Variants in CACNB4 observed in about 807,000 individuals in gnomAD.
The protein encoded by CACNB4 is voltage-dependent L-type calcium channel subunit beta-4.
In CACNB4, 32 loss-of-function variants were observed where a neutral mutation model predicts 71.2. The observed-to-expected ratio is 0.45, with a 90% CI of 0.34 to 0.60. CACNB4 has a LOEUF of 0.60. CACNB4 is among the 20% of genes least tolerant of loss of function. The pLI, the probability that CACNB4 is intolerant of heterozygous loss-of-function variation, is 0.01. For synonymous variants in CACNB4, 231 were observed against 236.9 expected (o/e 0.97, Z 0.23); for missense variants, 464 against 647.9 (o/e 0.72, Z 3.08).
At chr2:152,040,643 T>C (rs908203973) in intron 2 of CACNB4, among the ~76,000 whole-genome samples, 3 of 152,196 alleles carry the variant, frequency 2.0e-5, no homozygotes, top group Admixed American at 6.5e-5. Flanking sequence ...GGTTTCACCA[T>C]GTTGACCAGG....
intron 2 of CACNB4, among the ~76,000 whole-genome samples, chr2:152,043,653 G>A (rs1684989466): frequency 6.6e-6 from 1 of 151,882 alleles, no homozygotes; most frequent in Non-Finnish European, 1.5e-5. Context: ...AAAGTGAGAG[G>A]GACTATGTGC....
chr2:151,986,829 T>C (rs1243881059), intron 2 of CACNB4, among the ~76,000 whole-genome samples: 2 of 152,208 alleles, frequency 1.3e-5, no homozygotes. Context: ...ACCTCCAGAC[T>C]AATCTCTTAC....
intron 2 of CACNB4, chr2:151,969,823 T>C (rs1027896308): frequency 2.7e-4 from 41 of 152,250 alleles, no homozygotes; most frequent in African/African-American, 9.9e-4. Context: ...ATTAAGTTTG[T>C]AAAATTTACT....
intron 2 of CACNB4, among the ~76,000 whole-genome samples, chr2:151,949,845 C>T (rs2099866487): frequency 6.6e-6 from 1 of 151,936 alleles, no homozygotes. Flanking sequence ...GTCAGGAGTT[C>T]GAGACCAACA....
At chr2:151,900,321 T>C (rs2099853054) in intron 2 of CACNB4, among the ~76,000 whole-genome samples, 1 of 152,184 alleles carries the variant, frequency 6.6e-6, no homozygotes, top group African/African-American at 2.4e-5. Context: ...ACTTTGGAGT[T>C]GCAAAAAGGC....
chr2:151,835,538 C>T lies in CACNB4; in HGVS notation c.*3581G>A, dbSNP rs1253836504. ...TGGTATTACATTTTTTAAGCAAATA[C>T]CAAAATAAAACTGTGTAACTAAGAA... On this transcript the variant is annotated 3_prime_UTR_variant, in exon 14 of 14. Coordinates refer to ENST00000539935, the MANE Select transcript of CACNB4 (RefSeq NM_000726.5). The T allele has an allele frequency of 1.3e-5, 2 of 151,722 alleles. No individual in the cohort carries two copies. Among genetic ancestry groups the T allele is most frequent in the South Asian group, 2.1e-4 (1 of 4,822 alleles). The allele number at this position is 151,722 out of a possible 1,614,324, so 9.4% of individuals were successfully genotyped here.
chr2:151,860,968 G>C (rs2099841491), intron 9 of CACNB4, 148 bp from the exon 10 acceptor site: 2 of 610,416 alleles, frequency 3.3e-6, no homozygotes, highest in Admixed American at 2.8e-5. Context: ...TTTTAAACAG[G>C]CTCTGGCTAG....
At chr2:152,046,168 T>C (rs1025409323) in intron 2 of CACNB4, among the ~76,000 whole-genome samples, 1 of 152,212 alleles carries the variant, frequency 6.6e-6, no homozygotes, top group Non-Finnish European at 1.5e-5. Flanking sequence ...GAAACTCTGA[T>C]TATATAACAG....
chr2:152,052,356 A>G (rs1685482964), intron 2 of CACNB4, among the ~76,000 whole-genome samples: 1 of 152,166 alleles, frequency 6.6e-6, no homozygotes, highest in Non-Finnish European at 1.5e-5. Context: ...GCTGGAGTAC[A>G]GTGGCGTGAT....
intron 2 of CACNB4, among the ~76,000 whole-genome samples, chr2:151,899,629 G>A (rs2099852889): frequency 6.6e-6 from 1 of 152,132 alleles, no homozygotes; most frequent in Non-Finnish European, 1.5e-5. Context: ...ACCCCTTCAG[G>A]TGGTCGTATG....
intron 2 of CACNB4, among the ~76,000 whole-genome samples, chr2:151,975,319 G>A (rs2099873599): frequency 6.6e-6 from 1 of 152,126 alleles, no homozygotes; most frequent in Non-Finnish European, 1.5e-5. Flanking sequence ...TAACACAACA[G>A]CTACAACAGC....
chr2:151,909,582 C>T (rs555059313), intron 2 of CACNB4, among the ~76,000 whole-genome samples: 51 of 152,138 alleles, frequency 3.4e-4, no homozygotes, highest in Non-Finnish European at 6.6e-4. Flanking sequence ...TCCCCAACCC[C>T]CAGCAGGCCC....
At chr2:151,847,801 G>A (rs1408197148) in intron 12 of CACNB4, among the ~76,000 whole-genome samples, 1 of 152,114 alleles carries the variant, frequency 6.6e-6, no homozygotes, top group Non-Finnish European at 1.5e-5. Context: ...CAGGAGAATC[G>A]CTTGAACCCA....
rs764332480 is a variant in CACNB4 at position 151,883,362 on chromosome 2, C to T, written c.156G>A (p.Ala52=). The T allele has an allele frequency of 2.7e-5, 44 of 1,613,748 alleles. No individual in the cohort carries two copies. In the East Asian group the frequency reaches 3.8e-4, roughly 14 times the overall value. Residue 52 remains alanine, a synonymous_variant, in exon 3 of 14, where the codon GCG becomes GCA. Coordinates refer to ENST00000539935, the MANE Select transcript of CACNB4 (RefSeq NM_000726.5). ...CAGACGGCCTGCTTGTGTAGGAATC[C>T]GCTGAACCCTGGCAAAGAAAATAGA... ...STSFILRQGS[A]DSYTSRPSDS... is the part of the protein sequence containing the mutation.
intron 2 of CACNB4, among the ~76,000 whole-genome samples, chr2:152,017,973 C>T (rs1045183987): frequency 6.6e-6 from 1 of 151,824 alleles, no homozygotes; most frequent in African/African-American, 2.4e-5. Flanking sequence ...GCCGGGATTA[C>T]AGGTGCTCAC....
intron 2 of CACNB4, among the ~76,000 whole-genome samples, chr2:152,009,588 C>A (rs548811860): frequency 2.0e-5 from 3 of 152,266 alleles, no homozygotes; most frequent in African/African-American, 7.2e-5. Flanking sequence ...CTCTGAAACA[C>A]AAAGTTTATT....
At chr2:152,040,081 T>C (rs902548078) in intron 2 of CACNB4, among the ~76,000 whole-genome samples, 9 of 152,200 alleles carry the variant, frequency 5.9e-5, no homozygotes, top group African/African-American at 1.4e-4. Context: ...CCAGTTTTCA[T>C]TGCGGCTAAA....
At chr2:151,986,549 A>T (rs2151756831) in intron 2 of CACNB4, among the ~76,000 whole-genome samples, 1 of 152,354 alleles carries the variant, frequency 6.6e-6, no homozygotes, top group South Asian at 2.1e-4. Flanking sequence ...TACTAGAATC[A>T]TCTATAGCTA....
At position 151,836,853 on chromosome 2, in the gene CACNB4, A is replaced by AC. The variant is rs2099835002; in HGVS notation, c.*2265dup. On this transcript the variant is annotated 3_prime_UTR_variant, in exon 14 of 14. Coordinates refer to ENST00000539935, the MANE Select transcript of CACNB4 (RefSeq NM_000726.5). Reference sequence around the variant, plus strand: ...GTAAGTATCTTAAAGTAGTTAAATGACCAAACTGCTAATGCTACTACAGAA... The same window carrying AC: ...GTAAGTATCTTAAAGTAGTTAAATGACCCAAACTGCTAATGCTACTACAGAA... 6.6e-6 allele frequency: 1 copy of AC among 152,020 alleles called. No homozygotes were observed. The highest frequency in any genetic ancestry group is 6.6e-5 in the Admixed American group (1 of 15,260). The allele number at this position is 152,020 out of a possible 1,614,324, so 9.4% of individuals were successfully genotyped here.
Sources: allele counts gnomAD v4.1 joint callset (sites outside exome capture counted in the v4.1 genomes callset), GRCh38; gene constraint gnomAD v4.1.1; transcripts MANE v1.5; gene names NCBI Gene and HGNC (gene_info 2026-07-23, HGNC 2026-07-21).